Variants in PKHD1L1 observed in about 807,000 individuals in gnomAD.
PKHD1L1 encodes the protein fibrocystin-L.
A neutral mutation model predicts 462.9 loss-of-function variants in PKHD1L1; 434 were observed. That is an observed-to-expected ratio of 0.94 (90% CI 0.87 to 1.02). PKHD1L1 has a LOEUF of 1.02. Ranked by LOEUF, PKHD1L1 falls within the 50% of genes least tolerant of loss-of-function variation. The pLI is 0.00. For synonymous variants in PKHD1L1, 1,781 were observed against 1,750.0 expected, an observed-to-expected ratio of 1.02 and a Z score of -0.44; for missense variants, 5,202 against 5,096.1, an observed-to-expected ratio of 1.02 and a Z score of -0.63.
chr8:109,467,726 C>A (rs541780719), intron 50 of PKHD1L1, among the ~76,000 whole-genome samples: 1 of 152,232 alleles, frequency 6.6e-6, no homozygotes, highest in African/African-American at 2.4e-5. Flanking sequence ...TTCTGAGGGA[C>A]TGCAGATTCT....
Position 109,440,732 on chromosome 8 carries a change from C to G in PKHD1L1, c.3979C>G (p.Gln1327Glu), listed in dbSNP as rs948400548. Residue 1327 changes from glutamine (Q) to glutamate (E), a missense_variant, in exon 33 of 78, where the codon CAG (glutamine) becomes GAG (glutamate). Gln to Glu is a conservative substitution (Grantham distance 29). Coordinates refer to ENST00000378402, the MANE Select transcript of PKHD1L1 (RefSeq NM_177531.6). ...CAGAGACAAATTAAATTCTTCAATACAGTATGTTTTAGAAGTGACCAGCAT... is the reference window on the plus strand; with the variant it reads ...CAGAGACAAATTAAATTCTTCAATAGAGTATGTTTTAGAAGTGACCAGCAT... ...STRDKLNSSI[Q>E]YVLEVTSMFP... 1.2e-6 allele frequency: 2 copies of G among 1,611,946 alleles called. No homozygotes were observed. Among genetic ancestry groups the G allele is most frequent in the South Asian group, 1.1e-5 (1 of 90,876 alleles).
At chr8:109,522,086 G>A (rs1820578720) in intron 73 of PKHD1L1, 100 bp from the exon 74 acceptor site, 2 of 1,192,284 alleles carry the variant, frequency 1.7e-6, no homozygotes, top group Non-Finnish European at 2.3e-6. Context: ...ATTCTATAAT[G>A]TGATGGAGCA....
chr8:109,452,288 T>A lies in PKHD1L1; in HGVS notation c.6507+8T>A, dbSNP rs1456059799. The A allele has an allele frequency of 1.9e-6, 3 of 1,587,836 alleles. No homozygotes were observed. Among genetic ancestry groups the A allele is most frequent in the Admixed American group, 3.5e-5 (2 of 57,452 alleles). ...GTCGGCATGGCCAAACTGGTAATAG[T>A]GCTGTTGGGTATAGTAATCACAGCA... On this transcript the variant is annotated splice_region_variant and intron_variant, in intron 42 of 77. Coordinates refer to ENST00000378402, the MANE Select transcript of PKHD1L1 (RefSeq NM_177531.6).
chr8:109,499,419 C>T lies in PKHD1L1; in HGVS notation c.10828+648C>T, dbSNP rs138449959. 716 of 152,308 alleles carry T rather than the reference C, an allele frequency of 4.7e-3. 22 individuals carry two copies. Among genetic ancestry groups the T allele is most frequent in the Admixed American group, 0.043 (659 of 15,296 alleles). 9.4% of individuals were successfully genotyped at this position (152,308 alleles called of 1,614,324 possible). A position where few individuals can be genotyped will look rare whatever the true frequency, so the allele number is the denominator to read the frequency against. Reference sequence around the variant, plus strand: ...ATCTAAGTTTTAACATATTCTTTCTCACAGCTTTAGATCCCAGAAATGTGA... The same window carrying T: ...ATCTAAGTTTTAACATATTCTTTCTTACAGCTTTAGATCCCAGAAATGTGA... On this transcript the variant is annotated intron_variant, in intron 67 of 77. Coordinates refer to ENST00000378402, the MANE Select transcript of PKHD1L1 (RefSeq NM_177531.6).
rs1342637934 is a variant in PKHD1L1, at chr8:109,381,566, C to T, written c.308+52C>T. 1.4e-5 allele frequency: 19 copies of T among 1,337,198 alleles called. No homozygotes were observed. In the East Asian group the frequency reaches 4.8e-4, roughly 34 times the overall value. 82.8% of individuals were successfully genotyped at this position (1,337,198 alleles called of 1,614,324 possible). On this transcript the variant is annotated intron_variant, in intron 3 of 77. Coordinates refer to ENST00000378402, the MANE Select transcript of PKHD1L1 (RefSeq NM_177531.6). Reference sequence around the variant, plus strand: ...ATCATTTTCATCATATCAGAAGTTACAGTTATGAATATTAGTATTATAATA... The same window carrying T: ...ATCATTTTCATCATATCAGAAGTTATAGTTATGAATATTAGTATTATAATA...
At chr8:109,487,938 A>AAGGG (rs1818636729) in intron 59 of PKHD1L1, among the ~76,000 whole-genome samples, 2 of 150,252 alleles carry the variant, frequency 1.3e-5, no homozygotes, top group African/African-American at 4.9e-5. Context: ...GGAAGGAAGG[A>AAGGG]AGGAAAGAAG....
In PKHD1L1 at chr8:109,438,919, G is replaced by A; in HGVS notation, c.3783G>A (p.Lys1261=). 1.2e-6 allele frequency: 2 copies of A among 1,610,296 alleles called. No individual in the cohort carries two copies. The highest frequency in any genetic ancestry group is 1.7e-6 in the Non-Finnish European group (2 of 1,178,176). The change falls in exon 32 of 78, where the codon AAG becomes AAA. Residue 1261 remains lysine, a synonymous_variant. Coordinates refer to ENST00000378402, the MANE Select transcript of PKHD1L1 (RefSeq NM_177531.6). ...TILGEVNLTI[K]GYNFGNELTQ... is the part of the protein sequence containing the mutation. ...CAGGAGAAGTTAATTTAACAATTAAGGGCTATAATTTTGGAAATGAACTCA... is the reference window on the plus strand; with the variant it reads ...CAGGAGAAGTTAATTTAACAATTAAAGGCTATAATTTTGGAAATGAACTCA...
rs894651217 is a variant in PKHD1L1, at chr8:109,445,200, G to A, written c.5331G>A (p.Glu1777=). ...GAGAAGGTTTGGGGACTGTTTTGGA[G>A]GACATTGCTGTTTTCATTGGAAATC... The part of the protein sequence containing the change: ...IEGEGLGTVL[E]DIAVFIGNQQ... Residue 1777 remains glutamate (E), a synonymous_variant, in exon 38 of 78, where the codon GAG becomes GAA. Transcript: ENST00000378402. 3 of 1,613,972 alleles carry A rather than the reference G, an allele frequency of 1.9e-6. No homozygotes were observed. Among genetic ancestry groups the A allele is most frequent in the Non-Finnish European group, 1.7e-6 (2 of 1,179,898 alleles).
intron 45 of PKHD1L1, 144 bp from the exon 46 acceptor site, chr8:109,456,118 C>G (rs944610720): frequency 1.2e-6 from 1 of 804,632 alleles, no homozygotes; most frequent in Non-Finnish European, 1.9e-6. Context: ...CTACATATTT[C>G]TTTTTGGAGA....
Position 109,466,735 on chromosome 8 carries a change from G to A in PKHD1L1, c.8571G>A (p.Leu2857=), listed in dbSNP as rs370858555. 1.9e-4 allele frequency: 306 copies of A among 1,612,816 alleles called. No individual in the cohort carries two copies. Among genetic ancestry groups the A allele is most frequent in the Non-Finnish European group, 2.4e-4 (285 of 1,179,436 alleles). The stretch of plus-strand genomic sequence containing the variant: ...TCAACCAGCCTTCTCCAGTATCTCT[G>A]CTTGAAAAGGATGTGGTTCTTTCAG... ...LAFNQPSPVS[L]LEKDVVLSDS... The change falls in exon 50 of 78, where the codon CTG becomes CTA. Residue 2857 remains leucine, a synonymous_variant. Coordinates refer to ENST00000378402, the MANE Select transcript of PKHD1L1 (RefSeq NM_177531.6).
chr8:109,466,452 A>T (rs1817442686), intron 49 of PKHD1L1, 126 bp from the exon 50 acceptor site: 1 of 990,270 alleles, frequency 1.0e-6, no homozygotes, highest in Non-Finnish European at 1.4e-6. Flanking sequence ...ACAAGCAAAC[A>T]AACAAAACTA....
At chr8:109,425,044 T>C (rs1438797495) in intron 23 of PKHD1L1, 41 bp from the exon 24 acceptor site, 2 of 1,451,854 alleles carry the variant, frequency 1.4e-6, no homozygotes, top group Non-Finnish European at 9.2e-7. Flanking sequence ...TAAGCCATTG[T>C]TAAGTTTAAT....
intron 2 of PKHD1L1, among the ~76,000 whole-genome samples, chr8:109,379,493 G>A (rs1812002284): frequency 6.6e-6 from 1 of 152,194 alleles, no homozygotes; most frequent in African/African-American, 2.4e-5. Flanking sequence ...TTAAAGCTAT[G>A]GCCAAGATGT....
chr8:109,493,161 G>GTC (rs1231366479), intron 62 of PKHD1L1, among the ~76,000 whole-genome samples: 1 of 148,734 alleles, frequency 6.7e-6, no homozygotes, highest in Non-Finnish European at 1.5e-5. Context: ...GCGAGACCCT[G>GTC]TCTCTCTCTC....
intron 40 of PKHD1L1, 103 bp from the exon 41 acceptor site, chr8:109,450,872 T>C (rs1362655713): frequency 1.8e-6 from 2 of 1,135,650 alleles, no homozygotes; most frequent in Non-Finnish European, 2.5e-6. Context: ...AAAAGGAAGA[T>C]GATTGTGTGA....
intron 71 of PKHD1L1, among the ~76,000 whole-genome samples, chr8:109,512,358 G>A (rs2130993997): frequency 6.6e-6 from 1 of 151,404 alleles, no homozygotes; most frequent in Non-Finnish European, 1.5e-5. Flanking sequence ...AATCCATCTT[G>A]AATTAATTTT....
At chr8:109,529,472 G>C (rs1211727608) in intron 77 of PKHD1L1, among the ~76,000 whole-genome samples, 1 of 151,694 alleles carries the variant, frequency 6.6e-6, no homozygotes, top group Admixed American at 6.6e-5. Context: ...GGTCTAATTG[G>C]CTAAATATTG....
intron 21 of PKHD1L1, among the ~76,000 whole-genome samples, chr8:109,414,210 A>C: frequency 6.6e-6 from 1 of 152,210 alleles, no homozygotes; most frequent in Non-Finnish European, 1.5e-5. Context: ...CAACAGAAGC[A>C]ATAGTGAAGA....
intron 28 of PKHD1L1, among the ~76,000 whole-genome samples, chr8:109,433,662 A>G (rs1328340141): frequency 6.6e-6 from 1 of 152,224 alleles, no homozygotes; most frequent in African/African-American, 2.4e-5. Flanking sequence ...GAATTTAAAG[A>G]TCATTCAAAT....
Sources: gnomAD v4.1 joint callset for allele counts (sites outside exome capture counted in the v4.1 genomes callset) on GRCh38, gnomAD v4.1.1 for gene constraint, MANE v1.5 for transcripts, NCBI Gene and HGNC (gene_info 2026-07-23, HGNC 2026-07-21) for gene names.